MYOZ3: variants seen among roughly 807,000 people sequenced by gnomAD.
MYOZ3 encodes the protein myozenin-3.
MYOZ3 carries 19 observed loss-of-function variants against 26.5 expected under a neutral mutation model. That is an observed-to-expected ratio of 0.72 (90% CI 0.50 to 1.05). The LOEUF (loss-of-function observed/expected upper bound fraction) is 1.05. MYOZ3 is among the 50% of genes least tolerant of loss of function. The pLI is 0.00. For missense variants in MYOZ3, 322 were observed against 337.1 expected (o/e 0.96, Z 0.35); for synonymous variants, 135 against 138.8 (o/e 0.97, Z 0.19).
chr5:150,664,842 A>G (rs1159599700), intron 2 of MYOZ3, among the ~76,000 whole-genome samples: 1 of 152,250 alleles, frequency 6.6e-6, no homozygotes, highest in East Asian at 1.9e-4. Context: ...CATTAAAAAA[A>G]TTTGTTTAAT....
In MYOZ3 at chr5:150,672,201, G is replaced by A. The variant is rs1426695257; in HGVS notation, c.425-139G>A. 2.6e-5 allele frequency: 34 copies of A among 1,305,370 alleles called. 1 individual carries two copies. Among genetic ancestry groups the A allele is most frequent in the Non-Finnish European group, 3.5e-5 (32 of 926,618 alleles). The allele number at this position is 1,305,370 out of a possible 1,614,324, so 80.9% of individuals were successfully genotyped here. A position where few individuals can be genotyped will look rare whatever the true frequency, so the allele number is the denominator to read the frequency against. On this transcript the variant is annotated intron_variant, in intron 5 of 6. Transcript: ENST00000517768. ...GGTCTCCTGTGCTGGAGCAACTGTGGCTTCCCATTCCCGCCGTCCTCTCCC... is the reference window on the plus strand; with the variant it reads ...GGTCTCCTGTGCTGGAGCAACTGTGACTTCCCATTCCCGCCGTCCTCTCCC...
At chr5:150,661,120 T>G (rs1291038734), upstream of MYOZ3, 2 of 152,434 alleles carry the variant, frequency 1.3e-5, no homozygotes, top group East Asian at 3.7e-4. Context: ...TGTGTACACG[T>G]GGGTGCAAGC....
intron 2 of MYOZ3, among the ~76,000 whole-genome samples, chr5:150,665,493 C>T (rs1032383682): frequency 1.3e-5 from 2 of 152,188 alleles, no homozygotes; most frequent in African/African-American, 2.4e-5. Context: ...AACCCCACTG[C>T]AATAAACATT....
intron 2 of MYOZ3, among the ~76,000 whole-genome samples, chr5:150,665,306 G>A (rs1174818696): frequency 6.6e-6 from 1 of 152,126 alleles, no homozygotes; most frequent in Non-Finnish European, 1.5e-5. Flanking sequence ...GACCCCGCGG[G>A]GAGCTCTCGA....
At chr5:150,676,150 A>G (rs1759002048) in intron 6 of MYOZ3, among the ~76,000 whole-genome samples, 1 of 152,186 alleles carries the variant, frequency 6.6e-6, no homozygotes, top group Non-Finnish European at 1.5e-5. Flanking sequence ...TGCCTAGGAC[A>G]AGTCAATTCT....
At chr5:150,673,006 T>C (rs1449666191) in intron 6 of MYOZ3, 1 of 154,554 alleles carries the variant, frequency 6.5e-6, no homozygotes, top group Non-Finnish European at 1.4e-5. Flanking sequence ...CTTTCACCAA[T>C]GGCCTAGAAG....
At position 150,672,395 on chromosome 5, in the gene MYOZ3, C is replaced by A; in HGVS notation, c.480C>A (p.Ile160=). ...CAGAGAAGTTCAACCACACCGCCATCTCCAAGGGCTACCGCTGCCCTTGGC... is the reference window on the plus strand; with the variant it reads ...CAGAGAAGTTCAACCACACCGCCATATCCAAGGGCTACCGCTGCCCTTGGC... ...VPPEKFNHTA[I]SKGYRCPWQE... Residue 160 remains isoleucine, a synonymous_variant, in exon 6 of 7, where the codon ATC becomes ATA. Transcript: ENST00000517768. 2 of 1,613,406 alleles carry A rather than the reference C, an allele frequency of 1.2e-6. No homozygotes were observed. Among genetic ancestry groups the A allele is most frequent in the Non-Finnish European group, 1.7e-6 (2 of 1,179,732 alleles).
In MYOZ3 at chr5:150,678,864, G is replaced by A. The variant is rs1206670489; in HGVS notation, c.*1989G>A. ...AAGCTGGCTGCTAAGATGTCACTGG[G>A]GGTCACTAAAGCTGAAGCCTGAAGG... is the stretch of plus-strand genomic sequence containing the variant. On this transcript the variant is annotated 3_prime_UTR_variant, in exon 7 of 7. Coordinates refer to ENST00000517768, the MANE Select transcript of MYOZ3 (RefSeq NM_001122853.3). The A allele has an allele frequency of 1.3e-5, 2 of 152,368 alleles. No individual in the cohort carries two copies. Among genetic ancestry groups the A allele is most frequent in the Non-Finnish European group, 1.5e-5 (1 of 68,092 alleles). The allele number at this position is 152,368 out of a possible 1,614,324, so 9.4% of individuals were successfully genotyped here.
intron 6 of MYOZ3, 96 bp from the exon 7 acceptor site, chr5:150,676,611 G>A: frequency 2.5e-6 from 3 of 1,177,482 alleles, no homozygotes; most frequent in Non-Finnish European, 3.6e-6. Context: ...GGCTCAGAGA[G>A]CGGCAGGGAG....
intron 6 of MYOZ3, among the ~76,000 whole-genome samples, chr5:150,674,562 G>C (rs1758974136): frequency 6.6e-6 from 1 of 152,210 alleles, no homozygotes; most frequent in African/African-American, 2.4e-5. Context: ...CACCAAAACT[G>C]GGGTGGTCCA....
chr5:150,676,429 A>C (rs1441702797), intron 6 of MYOZ3, among the ~76,000 whole-genome samples: 4 of 151,736 alleles, frequency 2.6e-5, no homozygotes, highest in African/African-American at 4.9e-5. Flanking sequence ...CTGTAATCCC[A>C]GCTACTCAGG....
At chr5:150,671,054 TGGA>T (rs1236506686) in intron 3 of MYOZ3, 6 of 162,258 alleles carry the variant, frequency 3.7e-5, no homozygotes, top group African/African-American at 1.2e-4. Flanking sequence ...AATCTGCTGG[TGGA>T]GAAGAAAGGC....
intron 2 of MYOZ3, among the ~76,000 whole-genome samples, chr5:150,669,628 A>G (rs74643712): frequency 0.21 from 16,491 of 77,648 alleles, 2,328 homozygotes; most frequent in African/African-American, 0.47. Context: ...CAGGGCCCAT[A>G]TATGCTTTTT....
chr5:150,672,506 A>G lies in MYOZ3; in HGVS notation c.587+4A>G, dbSNP rs1214669461. ...ACGACTACCGAAATTTCAACAAGTA[A>G]GGCGGGGCGGGCAGCCCGGGGGACA... On this transcript the variant is annotated splice_donor_region_variant and intron_variant, in intron 6 of 6. Coordinates refer to ENST00000517768, the MANE Select transcript of MYOZ3 (RefSeq NM_001122853.3). The G allele has an allele frequency of 6.4e-7, 1 of 1,550,562 alleles. No homozygotes were observed. The highest frequency in any genetic ancestry group is 2.3e-5 in the East Asian group (1 of 43,680).
At chr5:150,666,644 T>C (rs1375356889) in intron 2 of MYOZ3, among the ~76,000 whole-genome samples, 2 of 146,340 alleles carry the variant, frequency 1.4e-5, no homozygotes, top group East Asian at 2.0e-4. Flanking sequence ...TATATATATA[T>C]ATATACACAC....
chr5:150,660,994 A>T (rs1044308453), upstream of MYOZ3: 1 of 152,278 alleles, frequency 6.6e-6, no homozygotes, highest in Non-Finnish European at 1.5e-5. Flanking sequence ...ATATCTGCTG[A>T]GTTCCTATCA....
At position 150,661,355 on chromosome 5, in the gene MYOZ3, C is replaced by G. The variant is rs1758728009; in HGVS notation, c.-74C>G. 6.6e-6 allele frequency: 1 copy of G among 152,508 alleles called. No homozygotes were observed. The highest frequency in any genetic ancestry group is 1.5e-5 in the Non-Finnish European group (1 of 68,088). The allele number at this position is 152,508 out of a possible 1,614,324, so 9.4% of individuals were successfully genotyped here. On this transcript the variant is annotated 5_prime_UTR_variant, in exon 1 of 7. Coordinates refer to ENST00000517768, the MANE Select transcript of MYOZ3 (RefSeq NM_001122853.3). Reference sequence around the variant, plus strand: ...GCCTACAGGGACGCCACGCAACTCTCAGCTTCCCGACAGAGGTGTTAATCT... The same window carrying G: ...GCCTACAGGGACGCCACGCAACTCTGAGCTTCCCGACAGAGGTGTTAATCT...
rs192102282 is a variant in MYOZ3 at position 150,677,330 on chromosome 5, G to A, written c.*455G>A. 6.5e-6 allele frequency: 1 copy of A among 153,494 alleles called. No homozygotes were observed. The highest frequency in any genetic ancestry group is 1.9e-4 in the East Asian group (1 of 5,318). The allele number at this position is 153,494 out of a possible 1,614,324, so 9.5% of individuals were successfully genotyped here. ...GCCTGTAATCCCAGCTACTTGGGAG[G>A]CTGAGACAGGAGAATCACTTGAACT... On this transcript the variant is annotated 3_prime_UTR_variant, in exon 7 of 7. Coordinates refer to ENST00000517768, the MANE Select transcript of MYOZ3 (RefSeq NM_001122853.3).
intron 1 of MYOZ3, among the ~76,000 whole-genome samples, chr5:150,662,246 C>A (rs1758744972): frequency 6.6e-6 from 1 of 152,136 alleles, no homozygotes; most frequent in Non-Finnish European, 1.5e-5. Flanking sequence ...GGCTCTGGAC[C>A]TCATTTTATT....
Sources: allele counts gnomAD v4.1 joint callset (sites outside exome capture counted in the v4.1 genomes callset), GRCh38; gene constraint gnomAD v4.1.1; transcripts MANE v1.5; gene names NCBI Gene and HGNC (gene_info 2026-07-23, HGNC 2026-07-21).